The following GABRB1 variants were observed in gnomAD, a reference collection of about 807,000 sequenced individuals.
GABRB1 encodes gamma-aminobutyric acid receptor subunit beta-1.
In GABRB1, 17 loss-of-function variants were observed where a neutral mutation model predicts 51.6. The observed-to-expected ratio is 0.33, with a 90% CI of 0.23 to 0.49. GABRB1 has a LOEUF of 0.49. Among genes scored for constraint, GABRB1 ranks in the 20% least tolerant of loss-of-function variants. The pLI, the probability that GABRB1 is intolerant of heterozygous loss-of-function variation, is 0.99. For synonymous variants in GABRB1, 247 were observed against 218.9 expected (o/e 1.13, Z -1.14); for missense variants, 410 against 600.6 (o/e 0.68, Z 3.32).
intron 3 of GABRB1, among the ~76,000 whole-genome samples, chr4:47,034,794 T>C (rs1725480690): frequency 6.6e-6 from 1 of 152,124 alleles, no homozygotes; most frequent in Non-Finnish European, 1.5e-5. Flanking sequence ...ACTCAGATGG[T>C]TAGCCCGCAC....
At chr4:47,099,420 G>T (rs566038189) in intron 3 of GABRB1, among the ~76,000 whole-genome samples, 2 of 152,042 alleles carry the variant, frequency 1.3e-5, no homozygotes, top group Non-Finnish European at 2.9e-5. Context: ...ACTTATGAAT[G>T]CCCCAAAGGC....
At chr4:47,254,746 T>G (rs1350621678) in intron 4 of GABRB1, among the ~76,000 whole-genome samples, 1 of 152,196 alleles carries the variant, frequency 6.6e-6, no homozygotes, top group Non-Finnish European at 1.5e-5. Context: ...AGCTATATTG[T>G]CAGCCTCTTT....
intron 1 of GABRB1, among the ~76,000 whole-genome samples, chr4:47,014,828 A>C (rs1389613398): frequency 6.6e-6 from 1 of 152,226 alleles, no homozygotes; most frequent in African/African-American, 2.4e-5. Context: ...TCTATGAAAA[A>C]GTATAGAATA....
intron 4 of GABRB1, among the ~76,000 whole-genome samples, chr4:47,243,865 T>A (rs577441926): frequency 6.6e-6 from 1 of 152,326 alleles, no homozygotes; most frequent in South Asian, 2.1e-4. Flanking sequence ...CCTAATTGAA[T>A]GCCCTTTATT....
At chr4:47,236,069 T>A (rs1057096470) in intron 4 of GABRB1, among the ~76,000 whole-genome samples, 1 of 152,144 alleles carries the variant, frequency 6.6e-6, no homozygotes, top group African/African-American at 2.4e-5. Flanking sequence ...TTGGACAATA[T>A]GTTTCAGATG....
intron 4 of GABRB1, among the ~76,000 whole-genome samples, chr4:47,196,460 G>C (rs1719688061): frequency 6.6e-6 from 1 of 152,160 alleles, no homozygotes; most frequent in Admixed American, 6.5e-5. Context: ...GGCAGATCAG[G>C]TACAGCATGG....
At chr4:47,157,194 A>G (rs1333716848) in intron 3 of GABRB1, among the ~76,000 whole-genome samples, 1 of 152,080 alleles carries the variant, frequency 6.6e-6, no homozygotes, top group Non-Finnish European at 1.5e-5. Flanking sequence ...CTTTCTCTCA[A>G]GAAATAGCTT....
intron 4 of GABRB1, among the ~76,000 whole-genome samples, chr4:47,299,639 G>C (rs1052966630): frequency 6.6e-6 from 1 of 152,126 alleles, no homozygotes; most frequent in South Asian, 2.1e-4. Flanking sequence ...TACACTGTTG[G>C]TGGGACTGTA....
intron 4 of GABRB1, among the ~76,000 whole-genome samples, chr4:47,234,258 C>A (rs1025486069): frequency 6.6e-6 from 1 of 152,082 alleles, no homozygotes; most frequent in Non-Finnish European, 1.5e-5. Flanking sequence ...AAGGCCAAGG[C>A]GGGTGGATCA....
At chr4:47,230,650 T>C (rs1035251444) in intron 4 of GABRB1, among the ~76,000 whole-genome samples, 5 of 152,196 alleles carry the variant, frequency 3.3e-5, no homozygotes, top group Non-Finnish European at 7.3e-5. Context: ...GTATTTTCTC[T>C]TATGGATCTC....
intron 5 of GABRB1, among the ~76,000 whole-genome samples, chr4:47,340,962 C>T (rs1180023956): frequency 2.0e-5 from 3 of 152,174 alleles, no homozygotes; most frequent in Non-Finnish European, 4.4e-5. Context: ...CTCTGACTGG[C>T]ATAGCACAGG....
At chr4:47,307,807 CAAATT>C (rs1724524537) in intron 4 of GABRB1, among the ~76,000 whole-genome samples, 3 of 151,778 alleles carry the variant, frequency 2.0e-5, no homozygotes, top group Admixed American at 2.0e-4. Flanking sequence ...CGAATAGTTT[CAAATT>C]CAGCTTGTAA....
At chr4:47,151,649 C>CT in intron 3 of GABRB1, among the ~76,000 whole-genome samples, 1 of 152,062 alleles carries the variant, frequency 6.6e-6, no homozygotes, top group South Asian at 2.1e-4. Context: ...TATTTCTGCT[C>CT]TTATTTAGAT....
chr4:47,298,441 A>G (rs1724103482), intron 4 of GABRB1, among the ~76,000 whole-genome samples: 1 of 152,212 alleles, frequency 6.6e-6, no homozygotes, highest in South Asian at 2.1e-4. Context: ...TTATACACCA[A>G]TAACAGACAA....
intron 4 of GABRB1, among the ~76,000 whole-genome samples, chr4:47,230,934 A>T (rs1721119686): frequency 6.6e-6 from 1 of 152,176 alleles, no homozygotes; most frequent in Admixed American, 6.6e-5. Flanking sequence ...TCCATGTAAC[A>T]GGCCCTCATT....
chr4:47,242,107 G>A (rs888744116), intron 4 of GABRB1, among the ~76,000 whole-genome samples: 10 of 150,950 alleles, frequency 6.6e-5, no homozygotes, highest in South Asian at 2.1e-4. Flanking sequence ...TCATTGTTCC[G>A]TTCCCACCTA....
intron 4 of GABRB1, among the ~76,000 whole-genome samples, chr4:47,197,009 G>C (rs1027185165): frequency 6.6e-6 from 1 of 152,198 alleles, no homozygotes; most frequent in Non-Finnish European, 1.5e-5. Context: ...CACACAAGAG[G>C]AGTAAGTAAC....
chr4:47,062,959 C>T (rs1370212386), intron 3 of GABRB1, among the ~76,000 whole-genome samples: 2 of 152,160 alleles, frequency 1.3e-5, no homozygotes, highest in Non-Finnish European at 2.9e-5. Flanking sequence ...TCCAGTTCTG[C>T]TACACTCAAA....
chr4:47,372,595 A>C (rs527803948), intron 5 of GABRB1, among the ~76,000 whole-genome samples: 2 of 152,316 alleles, frequency 1.3e-5, no homozygotes, highest in South Asian at 4.2e-4. Flanking sequence ...CTTATAGCTG[A>C]AAGAATTGCA....
Sources: allele counts gnomAD v4.1 joint callset (sites outside exome capture counted in the v4.1 genomes callset), GRCh38; gene constraint gnomAD v4.1.1; transcripts MANE v1.5; gene names NCBI Gene and HGNC (gene_info 2026-07-23, HGNC 2026-07-21).